OSBPL2: variants seen among roughly 807,000 people sequenced by gnomAD.
OSBPL2 encodes the protein oxysterol binding protein like 2, also known as oxysterol-binding protein-related protein 2.
In OSBPL2, 18 loss-of-function variants were observed where a neutral mutation model predicts 58.4. That is an observed-to-expected ratio of 0.31 (90% CI 0.21 to 0.46). The LOEUF (loss-of-function observed/expected upper bound fraction) is 0.46. OSBPL2 is among the 20% of genes least tolerant of loss of function. The pLI is 1.00. For missense variants in OSBPL2, 461 were observed against 616.5 expected, an observed-to-expected ratio of 0.75 and a Z score of 2.67; for synonymous variants, 221 against 234.1, an observed-to-expected ratio of 0.94 and a Z score of 0.51.
chr20:62,265,675 T>C (rs1050299479), intron 4 of OSBPL2, among the ~76,000 whole-genome samples: 1 of 152,270 alleles, frequency 6.6e-6, no homozygotes, highest in African/African-American at 2.4e-5. Context: ...TATGTTTCTT[T>C]TAAAATAAAC....
At chr20:62,286,525 C>T (rs1300868797) in intron 10 of OSBPL2, 58 bp from the exon 11 acceptor site, 4 of 1,568,022 alleles carry the variant, frequency 2.6e-6, no homozygotes, top group Non-Finnish European at 3.5e-6. Flanking sequence ...AATAGCTGTC[C>T]TCCTGGCCAA....
At chr20:62,249,400 G>A (rs1811340315) in intron 1 of OSBPL2, among the ~76,000 whole-genome samples, 1 of 152,164 alleles carries the variant, frequency 6.6e-6, no homozygotes, top group South Asian at 2.1e-4. Flanking sequence ...TACTCTCTCT[G>A]GGGATTGTTT....
At chr20:62,274,950 A>G (rs1295538446) in intron 6 of OSBPL2, among the ~76,000 whole-genome samples, 1 of 152,226 alleles carries the variant, frequency 6.6e-6, no homozygotes, top group Non-Finnish European at 1.5e-5. Context: ...CTGTTGGGTT[A>G]TTTTATTATG....
At position 62,263,613 on chromosome 20, in the gene OSBPL2, C is replaced by A. The variant is rs759887182; in HGVS notation, c.183-3C>A. ...CCACACGCACCCCTTTTGTGCTTCGCAGGACATCGCTGCCGGCTCCCATGT... is the reference window on the plus strand; with the variant it reads ...CCACACGCACCCCTTTTGTGCTTCGAAGGACATCGCTGCCGGCTCCCATGT... On this transcript the variant is annotated splice_polypyrimidine_tract_variant and splice_region_variant and intron_variant, in intron 3 of 13. Coordinates refer to ENST00000313733, the MANE Select transcript of OSBPL2 (RefSeq NM_144498.4). 5.0e-6 allele frequency: 8 copies of A among 1,613,896 alleles called. No individual in the cohort carries two copies. The African/African-American group carries it at 8.0e-5, about 16-fold the overall frequency.
In OSBPL2 at chr20:62,274,589, C is replaced by T. The variant is rs115273939; in HGVS notation, c.491+1183C>T. Among the ~76,000 whole-genome samples the T allele has an allele frequency of 7.3e-3, 1,115 of 152,302 alleles. 12 individuals are homozygous for T. The highest frequency in any genetic ancestry group is 0.026 in the African/African-American group (1,074 of 41,564). ...ACTCTCGCTGCACCCTTCAGTCTTC[C>T]GACTGTCGAGGTAGCCCAGCACACA... is the stretch of plus-strand genomic sequence containing the variant. On this transcript the variant is annotated intron_variant, in intron 6 of 13. Coordinates refer to ENST00000313733, the MANE Select transcript of OSBPL2 (RefSeq NM_144498.4).
intron 1 of OSBPL2, among the ~76,000 whole-genome samples, chr20:62,250,285 T>C (rs1980436909): frequency 6.6e-6 from 1 of 152,192 alleles, no homozygotes; most frequent in South Asian, 2.1e-4. Flanking sequence ...TTGGTAAGTG[T>C]AGAAGGAGAC....
Position 62,269,323 on chromosome 20 carries a change from G to A in OSBPL2, c.259-2802G>A, listed in dbSNP as rs1165775823. 6.6e-6 allele frequency among the ~76,000 whole-genome samples: 1 copy of A among 152,210 alleles called. No individual in the cohort carries two copies. The highest frequency in any genetic ancestry group is 6.5e-5 in the Admixed American group (1 of 15,286). ...GATCTTTCATGGATCCAGCCGTGCG[G>A]CAGCAAAGAGCCCTGCATGTGTGTT... is the stretch of plus-strand genomic sequence containing the variant. On this transcript the variant is annotated intron_variant, in intron 4 of 13. Coordinates refer to ENST00000313733, the MANE Select transcript of OSBPL2 (RefSeq NM_144498.4). The surrounding 1 kb of genome is among the most constrained non-coding windows in gnomAD (Gnocchi z 4.2).
intron 3 of OSBPL2, among the ~76,000 whole-genome samples, chr20:62,262,691 G>A (rs3787435): frequency 0.072 from 10,956 of 152,228 alleles, 569 homozygotes; most frequent in East Asian, 0.21. Flanking sequence ...TGGCATTCCC[G>A]GGGCATAGCT....
At chr20:62,272,623 G>A (rs756890194) in intron 5 of OSBPL2, among the ~76,000 whole-genome samples, 11 of 152,146 alleles carry the variant, frequency 7.2e-5, no homozygotes, top group Non-Finnish European at 1.5e-4. Flanking sequence ...GGCTGGGCAC[G>A]CACGGTGGCT....
rs116482190 is a variant in OSBPL2, at chr20:62,286,968, C to T, written c.1125+257C>T. Reference sequence around the variant, plus strand: ...CCGCTGCTCCATAGGACATGCAGGTCGAGGTGTGGACGCATGCTCAGCTGC... The same window carrying T: ...CCGCTGCTCCATAGGACATGCAGGTTGAGGTGTGGACGCATGCTCAGCTGC... On this transcript the variant is annotated intron_variant, in intron 11 of 13. Coordinates refer to ENST00000313733, the MANE Select transcript of OSBPL2 (RefSeq NM_144498.4). Among the ~76,000 whole-genome samples the T allele has an allele frequency of 0.011, 1,630 of 152,336 alleles. 38 individuals carry two copies. The highest frequency in any genetic ancestry group is 0.038 in the African/African-American group (1,562 of 41,572).
intron 3 of OSBPL2, among the ~76,000 whole-genome samples, chr20:62,262,224 G>A (rs1488186190): frequency 1.3e-5 from 2 of 152,162 alleles, no homozygotes; most frequent in African/African-American, 4.8e-5. Flanking sequence ...AGTGCACCAT[G>A]TGGTCACTCA....
At position 62,293,988 on chromosome 20, in the gene OSBPL2, A is replaced by G; in HGVS notation, c.*101A>G. On this transcript the variant is annotated 3_prime_UTR_variant, in exon 14 of 14. Coordinates refer to ENST00000313733, the MANE Select transcript of OSBPL2 (RefSeq NM_144498.4). The stretch of plus-strand genomic sequence containing the variant: ...GTCACAGCAGAAACCAACTTTTCTA[A>G]CGACTGAGTTCGCGGAGATAGCATC... 1 of 1,475,116 alleles carries G rather than the reference A, an allele frequency of 6.8e-7. No individual in the cohort carries two copies. The highest frequency in any genetic ancestry group is 1.4e-5 in the African/African-American group (1 of 70,464). 91.4% of individuals were successfully genotyped at this position (1,475,116 alleles called of 1,614,324 possible).
chr20:62,253,306 T>C (rs1402878990), intron 1 of OSBPL2, among the ~76,000 whole-genome samples: 1 of 152,144 alleles, frequency 6.6e-6, no homozygotes, highest in Non-Finnish European at 1.5e-5. Context: ...ATCTCCTTGA[T>C]TGCCAGTTTC....
intron 6 of OSBPL2, among the ~76,000 whole-genome samples, chr20:62,274,590 G>A (rs1392160604): frequency 2.0e-5 from 3 of 152,322 alleles, no homozygotes; most frequent in East Asian, 1.9e-4. Context: ...TCAGTCTTCC[G>A]ACTGTCGAGG....
intron 6 of OSBPL2, among the ~76,000 whole-genome samples, chr20:62,274,702 C>T (rs987060873): frequency 3.9e-5 from 6 of 152,144 alleles, no homozygotes; most frequent in African/African-American, 9.7e-5. Context: ...GAGCTCGCTC[C>T]GCCTGCCTGG....
chr20:62,286,550 C>CG, intron 10 of OSBPL2, 33 bp from the exon 11 acceptor site: 29 of 1,590,430 alleles, frequency 1.8e-5, no homozygotes, highest in Non-Finnish European at 2.4e-5. Context: ...GGCCTGGCCC[C>CG]GGGCAGCCAC....
chr20:62,293,363 C>T (rs577698281), intron 13 of OSBPL2, among the ~76,000 whole-genome samples: 32 of 152,326 alleles, frequency 2.1e-4, no homozygotes, highest in African/African-American at 7.2e-4. Context: ...CCTGTGCTAC[C>T]TTCTCTTTGC....
Position 62,263,763 on chromosome 20 carries a change from G to A in OSBPL2, c.258+72G>A, listed in dbSNP as rs1055779475. The stretch of plus-strand genomic sequence containing the variant: ...CCTGGGAAGGTATTGCAGTGCTGGT[G>A]GTTTAAGAAAATGCGCTCTTGGCCG... On this transcript the variant is annotated intron_variant, in intron 4 of 13. Coordinates refer to ENST00000313733, the MANE Select transcript of OSBPL2 (RefSeq NM_144498.4). The A allele has an allele frequency of 2.6e-5, 37 of 1,400,368 alleles. No homozygotes were observed. In the African/African-American group the frequency reaches 4.7e-4, roughly 18 times the overall value. 86.7% of individuals were successfully genotyped at this position (1,400,368 alleles called of 1,614,324 possible).
chr20:62,290,722 G>GTT (rs1285832751), intron 12 of OSBPL2, among the ~76,000 whole-genome samples: 2 of 138,756 alleles, frequency 1.4e-5, no homozygotes, highest in Non-Finnish European at 1.6e-5. Context: ...GCCTGGCCAG[G>GTT]TTTTTTTTTT....
Sources: allele counts gnomAD v4.1 joint callset (sites outside exome capture counted in the v4.1 genomes callset), GRCh38; gene constraint gnomAD v4.1.1; non-coding constraint Gnocchi (gnomAD v3.1); transcripts MANE v1.5; gene names NCBI Gene and HGNC (gene_info 2026-07-23, HGNC 2026-07-21).